Variants in IL1RAPL2 observed in about 807,000 individuals in gnomAD.
IL1RAPL2 encodes interleukin 1 receptor accessory protein like 2.
Under a neutral mutation model 44.1 loss-of-function variants are expected in IL1RAPL2, and 3 were observed. The ratio of observed to expected loss-of-function variants is 0.07; its 90% CI spans 0.03 to 0.18. IL1RAPL2 has a LOEUF of 0.18. Among genes scored for constraint, IL1RAPL2 ranks in the 10% least tolerant of loss-of-function variants. IL1RAPL2 has a pLI of 1.00. For synonymous variants in IL1RAPL2, 181 were observed against 178.8 expected, an observed-to-expected ratio of 1.01 and a Z score of -0.10; for missense variants, 391 against 496.4, an observed-to-expected ratio of 0.79 and a Z score of 2.02.
chrX:104,774,484 C>T (rs1320255559), intron 2 of IL1RAPL2, among the ~76,000 whole-genome samples: 2 of 111,635 alleles, frequency 1.8e-5, no homozygotes, highest in African/African-American at 6.5e-5. Context: ...AGGGCTGATA[C>T]TCCTATTTAT....
At chrX:104,833,822 G>T (rs1204068271) in intron 2 of IL1RAPL2, among the ~76,000 whole-genome samples, 1 of 112,357 alleles carries the variant, frequency 8.9e-6, no homozygotes. Context: ...ATGTAAAAAG[G>T]AGAAGAAATC....
At chrX:104,711,090 T>G (rs192898487) in intron 2 of IL1RAPL2, among the ~76,000 whole-genome samples, 2 of 111,544 alleles carry the variant, frequency 1.8e-5, no homozygotes, top group East Asian at 5.7e-4. Flanking sequence ...ACCTTTCCTA[T>G]GTTCAGGTCT....
At chrX:105,336,153 C>CAG (rs1249966552) in intron 5 of IL1RAPL2, among the ~76,000 whole-genome samples, 1 of 112,062 alleles carries the variant, frequency 8.9e-6, no homozygotes, top group Non-Finnish European at 1.9e-5. Context: ...TATAAGTGAT[C>CAG]AGAGAGCCAT....
At chrX:105,089,327 G>A (rs1291116415) in intron 2 of IL1RAPL2, among the ~76,000 whole-genome samples, 2 of 111,084 alleles carry the variant, frequency 1.8e-5, no homozygotes, top group Non-Finnish European at 3.8e-5. Context: ...AAGAGAATAG[G>A]AAATATATAG....
intron 6 of IL1RAPL2, among the ~76,000 whole-genome samples, chrX:105,590,346 T>G (rs2037159455): frequency 9.0e-6 from 1 of 111,038 alleles, no homozygotes; most frequent in Non-Finnish European, 1.9e-5. Context: ...GATTTCCTCT[T>G]TTCCTATTTG....
intron 2 of IL1RAPL2, among the ~76,000 whole-genome samples, chrX:104,699,256 A>G (rs1007771402): frequency 2.1e-4 from 23 of 111,719 alleles, no homozygotes; most frequent in African/African-American, 7.2e-4. Context: ...ATAATATGTA[A>G]TGAAATAATT....
intron 5 of IL1RAPL2, 46 bp downstream of exon 5, chrX:105,267,587 T>C (rs1215967798): frequency 9.5e-7 from 1 of 1,055,911 alleles, no homozygotes; most frequent in Non-Finnish European, 1.3e-6. Flanking sequence ...ATTTTAAGTA[T>C]AATTTGGTTT....
At chrX:105,298,268 C>T (rs2034669460) in intron 5 of IL1RAPL2, among the ~76,000 whole-genome samples, 1 of 111,675 alleles carries the variant, frequency 9.0e-6, no homozygotes, top group African/African-American at 3.3e-5. Flanking sequence ...TACCCTTTAA[C>T]GAGCAAGGAG....
At chrX:105,196,686 T>A (rs1323121509) in intron 3 of IL1RAPL2, among the ~76,000 whole-genome samples, 1 of 111,442 alleles carries the variant, frequency 9.0e-6, no homozygotes, top group Non-Finnish European at 1.9e-5. Flanking sequence ...AATATGTTTT[T>A]TCCCTTAGGG....
intron 6 of IL1RAPL2, among the ~76,000 whole-genome samples, chrX:105,663,729 A>G (rs745703069): frequency 1.8e-5 from 2 of 112,078 alleles, no homozygotes; most frequent in Non-Finnish European, 3.8e-5. Flanking sequence ...AGTGTCCCCA[A>G]GAAGCAGAGA....
intron 5 of IL1RAPL2, among the ~76,000 whole-genome samples, chrX:105,410,362 C>T (rs1244152218): frequency 9.2e-6 from 1 of 109,044 alleles, no homozygotes; most frequent in African/African-American, 3.3e-5. Flanking sequence ...GAGGCAACAC[C>T]AAGAGAAAGA....
At chrX:105,076,397 G>GTT (rs1569375722) in intron 2 of IL1RAPL2, among the ~76,000 whole-genome samples, 1 of 111,727 alleles carries the variant, frequency 9.0e-6, no homozygotes, top group East Asian at 2.8e-4. Context: ...ATTGCACTGT[G>GTT]GTCTGAGAGA....
chrX:105,497,259 T>C (rs745402728), intron 6 of IL1RAPL2, among the ~76,000 whole-genome samples: 1 of 111,068 alleles, frequency 9.0e-6, no homozygotes, highest in South Asian at 3.8e-4. Context: ...TGAAGAACTT[T>C]GTCAACAAAT....
At chrX:105,067,411 G>A (rs1350294904) in intron 2 of IL1RAPL2, among the ~76,000 whole-genome samples, 1 of 111,217 alleles carries the variant, frequency 9.0e-6, no homozygotes, top group Admixed American at 9.6e-5. Flanking sequence ...AAAACCCCTG[G>A]CTCAGACACT....
intron 7 of IL1RAPL2, among the ~76,000 whole-genome samples, chrX:105,718,410 T>G (rs2038274584): frequency 8.9e-6 from 1 of 112,167 alleles, no homozygotes; most frequent in East Asian, 2.8e-4. Flanking sequence ...TCTCTCCATG[T>G]GTCTACCCAA....
rs375524595 is a variant in IL1RAPL2 at position 104,627,460 on chromosome X, T to C, written c.-19-31435T>C. Among the ~76,000 whole-genome samples, 8 of 103,673 alleles carry C rather than the reference T, an allele frequency of 7.7e-5. No homozygotes were observed. In the East Asian group the frequency reaches 1.9e-3, roughly 24 times the overall value. The allele number at this position is 103,673 out of a possible 115,157, so 90.0% of individuals were successfully genotyped here. On this transcript the variant is annotated intron_variant, in intron 1 of 10. Coordinates refer to ENST00000372582, the MANE Select transcript of IL1RAPL2 (RefSeq NM_017416.2). ...AACAAACCTGCACATTGTGCACATG[T>C]ACCCTAAAACTTAAAGTATAATAAT... is the stretch of plus-strand genomic sequence containing the variant.
chrX:105,628,679 A>G (rs1008071728), intron 6 of IL1RAPL2, among the ~76,000 whole-genome samples: 3 of 112,341 alleles, frequency 2.7e-5, no homozygotes, highest in Non-Finnish European at 5.6e-5. Flanking sequence ...TCACGCCTGT[A>G]ATCCCAGTAC....
At chrX:105,329,022 C>T (rs2034964247) in intron 5 of IL1RAPL2, among the ~76,000 whole-genome samples, 1 of 112,455 alleles carries the variant, frequency 8.9e-6, no homozygotes, top group African/African-American at 3.2e-5. Context: ...TTTATCACAA[C>T]TCTATATCTG....
chrX:105,574,569 T>G (rs976749147), intron 6 of IL1RAPL2, among the ~76,000 whole-genome samples: 33 of 112,186 alleles, frequency 2.9e-4, no homozygotes, highest in Non-Finnish European at 6.0e-4. Flanking sequence ...CCCAGAGCTG[T>G]CTTTCTTTAG....
Sources: allele counts gnomAD v4.1 joint callset (sites outside exome capture counted in the v4.1 genomes callset), GRCh38; gene constraint gnomAD v4.1.1; transcripts MANE v1.5; gene names NCBI Gene and HGNC (gene_info 2026-07-23, HGNC 2026-07-21).